ARMH3: variants seen among roughly 807,000 people sequenced by gnomAD.
ARMH3 encodes armadillo-like helical domain-containing protein 3.
In ARMH3, 60 loss-of-function variants were observed where a neutral mutation model predicts 99.1. The ratio of observed to expected loss-of-function variants is 0.61; its 90% CI spans 0.49 to 0.75. The LOEUF is 0.75. Ranked by LOEUF, ARMH3 falls within the 30% of genes least tolerant of loss-of-function variation. The probability of loss-of-function intolerance (pLI) is 0.00; values close to 1 mark genes in which losing one functional copy is unlikely to be tolerated. For synonymous variants in ARMH3, 285 were observed against 292.8 expected (o/e 0.97, Z 0.27); for missense variants, 679 against 843.1 (o/e 0.81, Z 2.41).
chr10:102,010,998 T>G (rs2066618043), intron 11 of ARMH3, among the ~76,000 whole-genome samples: 1 of 152,136 alleles, frequency 6.6e-6, no homozygotes, highest in African/African-American at 2.4e-5. Flanking sequence ...ACCAAAAAAT[T>G]GTCTTGCCCT....
intron 2 of ARMH3, among the ~76,000 whole-genome samples, chr10:102,033,791 CTCTT>C (rs1378077324): frequency 2.6e-5 from 4 of 152,318 alleles, no homozygotes; most frequent in Non-Finnish European, 5.9e-5. Context: ...GAACACTTAT[CTCTT>C]TGTGTTTTTT....
chr10:101,865,371 T>C (rs2066977771), intron 24 of ARMH3, among the ~76,000 whole-genome samples: 1 of 152,138 alleles, frequency 6.6e-6, no homozygotes, highest in Non-Finnish European at 1.5e-5. Flanking sequence ...ACAAAACTCA[T>C]GCACACAAAC....
chr10:101,970,108 C>G (rs552404541), intron 20 of ARMH3, among the ~76,000 whole-genome samples: 1 of 152,342 alleles, frequency 6.6e-6, no homozygotes, highest in East Asian at 1.9e-4. Context: ...AATAAGCTGA[C>G]TCCATGAAGC....
chr10:101,864,886 T>TA (rs1467843522), intron 24 of ARMH3, among the ~76,000 whole-genome samples: 30 of 102,148 alleles, frequency 2.9e-4, no homozygotes, highest in Middle Eastern at 5.2e-3. Flanking sequence ...GAACTTAAAT[T>TA]TAAAAAAATC....
chr10:101,972,273 T>C (rs539911383), intron 20 of ARMH3, among the ~76,000 whole-genome samples: 1 of 152,184 alleles, frequency 6.6e-6, no homozygotes, highest in Admixed American at 6.5e-5. Flanking sequence ...GAAATAAAAA[T>C]CAGTAATGAA....
chr10:102,020,112 CAA>C (rs1398969988), intron 8 of ARMH3, among the ~76,000 whole-genome samples: 1 of 151,326 alleles, frequency 6.6e-6, no homozygotes, highest in East Asian at 1.9e-4. Context: ...AATGTTATTA[CAA>C]AAGAGTTAAA....
At chr10:101,991,426 G>C (rs886379025) in intron 18 of ARMH3, among the ~76,000 whole-genome samples, 1 of 151,966 alleles carries the variant, frequency 6.6e-6, no homozygotes, top group Non-Finnish European at 1.5e-5. Context: ...TCTCGCCCCA[G>C]CTGGAGTGCA....
intron 8 of ARMH3, among the ~76,000 whole-genome samples, chr10:102,017,021 CTG>C (rs2066764933): frequency 6.6e-6 from 1 of 152,196 alleles, no homozygotes; most frequent in African/African-American, 2.4e-5. Context: ...TTCACTTTCT[CTG>C]TGCTTAGTTG....
intron 24 of ARMH3, among the ~76,000 whole-genome samples, chr10:101,851,743 A>G (rs2066605375): frequency 6.6e-6 from 1 of 152,118 alleles, no homozygotes; most frequent in Non-Finnish European, 1.5e-5. Context: ...TTTGGGAGGG[A>G]AGGAACAGCT....
rs771066149 is a variant in ARMH3, at chr10:102,011,711, A to G, written c.831+12T>C. On this transcript the variant is annotated intron_variant, in intron 11 of 25. Coordinates refer to ENST00000370033, the MANE Select transcript of ARMH3 (RefSeq NM_024541.3). ...TGTTTTTTTCAGGAGAAAAAAAAAA[A>G]GCAGGACTTACCATATTTGTTAAAG... 6.3e-7 allele frequency: 1 copy of G among 1,591,734 alleles called. No individual in the cohort carries two copies.
Position 101,956,688 on chromosome 10 carries a change from G to A in ARMH3, c.1614C>T (p.Gly538=), listed in dbSNP as rs375031309. The A allele has an allele frequency of 4.8e-5, 77 of 1,613,204 alleles. No individual in the cohort carries two copies. The Admixed American group carries it at 6.8e-4, about 14-fold the overall frequency. The change falls in exon 22 of 26, where the codon GGC becomes GGT. Residue 538 remains glycine (G), a synonymous_variant. Coordinates refer to ENST00000370033, the MANE Select transcript of ARMH3 (RefSeq NM_024541.3). ...TGCTGGGGGTTGGCAGAAATGTGTC[G>A]CCATATGTGATAAACATATTAAATA... ...VNLFNMFITY[G]DTFLPTPSSY... is the part of the protein sequence containing the mutation.
chr10:101,985,808 G>A (rs1293052580), intron 19 of ARMH3, among the ~76,000 whole-genome samples: 1 of 152,078 alleles, frequency 6.6e-6, no homozygotes, highest in Non-Finnish European at 1.5e-5. Context: ...CCGGAGGTCA[G>A]GAGTTCAAGA....
At chr10:102,050,578 C>G (rs1299864731) in intron 1 of ARMH3, among the ~76,000 whole-genome samples, 1 of 152,182 alleles carries the variant, frequency 6.6e-6, no homozygotes, top group Admixed American at 6.5e-5. Context: ...AGAAAAGTCA[C>G]CAAATGTGGT....
chr10:101,917,807 A>T (rs1048460490), intron 23 of ARMH3, among the ~76,000 whole-genome samples: 1 of 152,184 alleles, frequency 6.6e-6, no homozygotes, highest in African/African-American at 2.4e-5. Context: ...CTTCATTAAT[A>T]CTTTGTTTAC....
intron 24 of ARMH3, among the ~76,000 whole-genome samples, chr10:101,875,822 C>G (rs761805678): frequency 5.3e-5 from 8 of 152,210 alleles, no homozygotes; most frequent in Admixed American, 1.3e-4. Context: ...AAGCCCTAGA[C>G]ACCCCTTGTG....
intron 24 of ARMH3, among the ~76,000 whole-genome samples, chr10:101,880,673 G>A (rs1035432627): frequency 6.6e-6 from 1 of 151,904 alleles, no homozygotes; most frequent in Non-Finnish European, 1.5e-5. Flanking sequence ...CCCAGCAATT[G>A]TTAAACATTT....
At chr10:101,995,980 C>T (rs1847037405) in intron 15 of ARMH3, among the ~76,000 whole-genome samples, 4 of 152,218 alleles carry the variant, frequency 2.6e-5, no homozygotes, top group Admixed American at 2.6e-4. Flanking sequence ...AGAGATATAG[C>T]ACTGAATAAA....
intron 23 of ARMH3, among the ~76,000 whole-genome samples, chr10:101,920,908 A>T (rs1843280804): frequency 6.6e-6 from 1 of 152,188 alleles, no homozygotes; most frequent in African/African-American, 2.4e-5. Flanking sequence ...AGATAAATAC[A>T]CTATGATTCC....
intron 8 of ARMH3, among the ~76,000 whole-genome samples, chr10:102,022,018 C>A (rs1201014806): frequency 6.6e-6 from 1 of 152,072 alleles, no homozygotes; most frequent in Non-Finnish European, 1.5e-5. Context: ...TAAATAATTA[C>A]TATTGTGTTA....
Sources: gnomAD v4.1 joint callset for allele counts (sites outside exome capture counted in the v4.1 genomes callset) on GRCh38, gnomAD v4.1.1 for gene constraint, MANE v1.5 for transcripts, NCBI Gene and HGNC (gene_info 2026-07-23, HGNC 2026-07-21) for gene names.